Variants in MYLK observed in about 807,000 individuals in gnomAD.
The protein encoded by MYLK is myosin light chain kinase, smooth muscle.
In MYLK, 106 loss-of-function variants were observed where a neutral mutation model predicts 203.4. The ratio of observed to expected loss-of-function variants is 0.52; its 90% confidence interval spans 0.45 to 0.61. The LOEUF (loss-of-function observed/expected upper bound fraction) is 0.61. Among genes scored for constraint, MYLK ranks in the 20% least tolerant of loss-of-function variants. The pLI, the probability that MYLK is intolerant of heterozygous loss-of-function variation, is 0.00. For synonymous variants in MYLK, 867 were observed against 959.5 expected (o/e 0.90, Z 1.78); for missense variants, 2,072 against 2,442.3 (o/e 0.85, Z 3.20).
At chr3:123,723,544 T>C (rs2062168944) in intron 12 of MYLK, among the ~76,000 whole-genome samples, 1 of 152,240 alleles carries the variant, frequency 6.6e-6, no homozygotes, top group Non-Finnish European at 1.5e-5. Context: ...TCCAAACATG[T>C]GCTGACAAGC....
intron 5 of MYLK, among the ~76,000 whole-genome samples, chr3:123,741,544 G>A (rs1489166078): frequency 3.3e-5 from 5 of 152,202 alleles, no homozygotes; most frequent in African/African-American, 4.8e-5. Flanking sequence ...GATGCTGCTG[G>A]AGGCAGAGCC....
Position 123,692,762 on chromosome 3 carries a change from C to T in MYLK, c.3538G>A (p.Glu1180Lys), listed in dbSNP as rs1467916123. ...CVAKNDAGQA[E>K]CSCQVTVDDA... Reference sequence around the variant, plus strand: ...TCCACGGTGACTTGGCAGGAGCACTCCGCCTGGCCAGCGTCATTCTTGGCT... The same window carrying T: ...TCCACGGTGACTTGGCAGGAGCACTTCGCCTGGCCAGCGTCATTCTTGGCT... The change falls in exon 19 of 34, where the codon GAG becomes AAG. Residue 1180 changes from glutamate (E) to lysine (K), a missense_variant. This residue lies in a region of MYLK where 865 missense variants were observed against 1,016.0 expected (regional missense o/e 0.85). Transcript: ENST00000360304. 2.5e-6 allele frequency: 4 copies of T among 1,613,960 alleles called. No individual in the cohort carries two copies. The highest frequency in any genetic ancestry group is 3.4e-6 in the Non-Finnish European group (4 of 1,180,004).
At chr3:123,862,170 G>A (rs1385431250) in intron 2 of MYLK, among the ~76,000 whole-genome samples, 5 of 152,200 alleles carry the variant, frequency 3.3e-5, no homozygotes, top group African/African-American at 4.8e-5. Context: ...TCAGCTCATG[G>A]TCCTAGCTTC....
At chr3:123,784,393 T>A (rs866115159) in intron 4 of MYLK, among the ~76,000 whole-genome samples, 148 of 149,218 alleles carry the variant, frequency 9.9e-4, no homozygotes, top group Admixed American at 1.5e-3. Context: ...TTTTTTTTTT[T>A]TTTTTTTTTT....
rs530737723 is a variant in MYLK, at chr3:123,700,187, T to A, written c.3281A>T (p.Gln1094Leu). ...CTGCTTGAAGGCTGGGGCTGTCCCC[T>A]GGCTCTCTGATCTCTTTTCATTATC... Reference protein sequence around the residue: ...TTDNEKRSESQGTAPAFKQKL... With the variant: ...TTDNEKRSESLGTAPAFKQKL... Residue 1094 changes from glutamine (Q) to leucine (L), a missense_variant, in exon 18 of 34, where the codon CAG becomes CTG. This residue lies in a region of MYLK where 865 missense variants were observed against 1,016.0 expected (regional missense o/e 0.85). Transcript: ENST00000360304. 69 of 1,614,038 alleles carry A rather than the reference T, an allele frequency of 4.3e-5. No homozygotes were observed. The highest frequency in any genetic ancestry group is 5.6e-5 in the Non-Finnish European group (66 of 1,180,002).
intron 13 of MYLK, among the ~76,000 whole-genome samples, chr3:123,719,318 G>A (rs2062011135): frequency 6.6e-6 from 1 of 151,930 alleles, no homozygotes; most frequent in Admixed American, 6.6e-5. Flanking sequence ...CAGAGCCCTT[G>A]GAAGCAGGCA....
At chr3:123,643,708 T>A (rs1214463324) in intron 27 of MYLK, among the ~76,000 whole-genome samples, 1 of 152,234 alleles carries the variant, frequency 6.6e-6, no homozygotes, top group Non-Finnish European at 1.5e-5. Context: ...AATAAATAAG[T>A]GATCCCTATC....
chr3:123,680,520 T>C (rs968090698), intron 20 of MYLK, among the ~76,000 whole-genome samples: 1 of 152,250 alleles, frequency 6.6e-6, no homozygotes, highest in Non-Finnish European at 1.5e-5. Flanking sequence ...CACCAGATTT[T>C]TCTTGGTATT....
At chr3:123,757,590 A>G (rs1363533455) in intron 4 of MYLK, among the ~76,000 whole-genome samples, 1 of 152,252 alleles carries the variant, frequency 6.6e-6, no homozygotes, top group African/African-American at 2.4e-5. Context: ...ACTGCCCAGC[A>G]GGACACTGGG....
intron 4 of MYLK, among the ~76,000 whole-genome samples, chr3:123,773,324 C>A (rs2063948481): frequency 6.6e-6 from 1 of 152,268 alleles, no homozygotes; most frequent in Admixed American, 6.5e-5. Context: ...AAATAGCTGT[C>A]ATCACTGGAT....
Position 123,733,008 on chromosome 3 carries a change from G to A in MYLK, c.1404C>T (p.Gly468=), listed in dbSNP as rs1485021822. The A allele has an allele frequency of 4.3e-6, 7 of 1,614,090 alleles. No homozygotes were observed. The highest frequency in any genetic ancestry group is 4.2e-6 in the Non-Finnish European group (5 of 1,180,042). ...EGSIEVYEDA[G]SHYLCLLKAR... is the part of the protein sequence containing the mutation. ...CTTTCAGCAGGCAGAGGTAATGGGAGCCAGCATCTTCATAAACCTCAATGC... is the reference window on the plus strand; with the variant it reads ...CTTTCAGCAGGCAGAGGTAATGGGAACCAGCATCTTCATAAACCTCAATGC... Residue 468 remains glycine (G), a synonymous_variant, in exon 11 of 34, where the codon GGC becomes GGT. Transcript: ENST00000360304.
At chr3:123,653,269 A>T (rs1241894961) in intron 24 of MYLK, among the ~76,000 whole-genome samples, 1 of 152,108 alleles carries the variant, frequency 6.6e-6, no homozygotes, top group Non-Finnish European at 1.5e-5. Context: ...GTGAACACAC[A>T]CGCCACTTCC....
intron 13 of MYLK, among the ~76,000 whole-genome samples, chr3:123,713,936 G>A (rs1271711230): frequency 6.6e-6 from 1 of 152,078 alleles, no homozygotes; most frequent in African/African-American, 2.4e-5. Context: ...AAAACAGCTA[G>A]AACAATACAT....
At position 123,733,935 on chromosome 3, in the gene MYLK, G is replaced by A. The variant is rs562370892; in HGVS notation, c.1061C>T (p.Pro354Leu). The A allele has an allele frequency of 1.9e-5, 30 of 1,614,072 alleles. No homozygotes were observed. The highest frequency in any genetic ancestry group is 8.8e-5 in the South Asian group (8 of 91,072). Residue 354 changes from proline (P) to leucine (L), a missense_variant, in exon 10 of 34, where the codon CCG becomes CTG. This residue lies in a region of MYLK where 683 missense variants were observed against 643.8 expected (regional missense o/e 1.06). Transcript: ENST00000360304. ...SITLQAARVQ[P>L]EPRAPGLGVL... Reference sequence around the variant, plus strand: ...CCCCAGGCCTGGTGCTCTTGGTTCCGGCTGAACTCTTGCGGCCTGCAGGGT... The same window carrying A: ...CCCCAGGCCTGGTGCTCTTGGTTCCAGCTGAACTCTTGCGGCCTGCAGGGT...
chr3:123,854,991 T>C (rs1296507130), intron 2 of MYLK, among the ~76,000 whole-genome samples: 2 of 152,174 alleles, frequency 1.3e-5, no homozygotes, highest in African/African-American at 2.4e-5. Context: ...TATTTTTATT[T>C]TGGATTTTTA....
intron 31 of MYLK, chr3:123,624,351 C>G (rs1041494596): frequency 6.7e-6 from 1 of 149,892 alleles, no homozygotes; most frequent in Non-Finnish European, 1.5e-5. Context: ...AAAATCAGCA[C>G]CACTATGATT....
At chr3:123,671,596 C>T (rs572780727) in intron 20 of MYLK, among the ~76,000 whole-genome samples, 2 of 152,220 alleles carry the variant, frequency 1.3e-5, no homozygotes, top group South Asian at 4.1e-4. Context: ...TCCAAAGTCA[C>T]CCCAGAGGAG....
chr3:123,742,041 C>A (rs1045663335), intron 5 of MYLK, among the ~76,000 whole-genome samples: 1 of 152,184 alleles, frequency 6.6e-6, no homozygotes, highest in Admixed American at 6.5e-5. Flanking sequence ...CTCTTCTAGA[C>A]TTTCCTGCTT....
Position 123,793,834 on chromosome 3 carries a change from T to A in MYLK, c.8A>T (p.Asp3Val), listed in dbSNP as rs746869917. 6 of 1,614,026 alleles carry A rather than the reference T, an allele frequency of 3.7e-6. No individual in the cohort carries two copies. The South Asian group carries it at 4.4e-5, about 12-fold the overall frequency. The change falls in exon 4 of 34, where the codon GAT (aspartate) becomes GTT (valine). Residue 3 changes from aspartate (D) to valine (V), a missense_variant. By Grantham distance (152) the Asp-to-Val change is radical. Around this residue, in one of 3 missense-constraint regions of MYLK, gnomAD observed 683 missense variants for 643.8 expected, o/e 1.06. Coordinates refer to ENST00000360304, the MANE Select transcript of MYLK (RefSeq NM_053025.4). MG[D>V]VKLVASSHIS... The stretch of plus-strand genomic sequence containing the variant: ...GTGTGACGAGGCAACCAGCTTCACA[T>A]CCCCCATGGTCTGCAAAAAGGAAGG...
Sources: gnomAD v4.1 joint callset for allele counts (sites outside exome capture counted in the v4.1 genomes callset) on GRCh38, gnomAD v4.1.1 for gene constraint, gnomAD v4.1.1 regional missense constraint, MANE v1.5 for transcripts, NCBI Gene and HGNC (gene_info 2026-07-23, HGNC 2026-07-21) for gene names.